FRMD4A: variants seen among roughly 807,000 people sequenced by gnomAD.
FRMD4A encodes the protein FERM domain-containing protein 4A.
FRMD4A carries 29 observed loss-of-function variants against 129.1 expected under a neutral mutation model. The observed-to-expected ratio is 0.22, with a 90% CI of 0.17 to 0.31. The LOEUF is 0.31. FRMD4A is among the 10% of genes least tolerant of loss of function. The probability of loss-of-function intolerance (pLI) is 1.00; values close to 1 mark genes in which losing one functional copy is unlikely to be tolerated. For missense variants in FRMD4A, 1,272 were observed against 1,375.8 expected (o/e 0.92, Z 1.19); for synonymous variants, 634 against 571.6 (o/e 1.11, Z -1.56).
At chr10:13,766,761 A>T (rs12268804) in intron 6 of FRMD4A, among the ~76,000 whole-genome samples, 6,602 of 152,180 alleles carry the variant, frequency 0.043, 487 homozygotes, top group African/African-American at 0.15. Flanking sequence ...TTACTCTGAA[A>T]ATTTCCCATG....
chr10:13,956,334 T>G (rs575984726), intron 2 of FRMD4A, among the ~76,000 whole-genome samples: 1 of 152,250 alleles, frequency 6.6e-6, no homozygotes, highest in African/African-American at 2.4e-5. Flanking sequence ...GTACTTTTAG[T>G]AGAGATGGGG....
intron 2 of FRMD4A, among the ~76,000 whole-genome samples, chr10:13,979,685 T>C (rs2131400858): frequency 7.3e-6 from 1 of 137,930 alleles, no homozygotes; most frequent in Non-Finnish European, 1.6e-5. Context: ...TTCAATGCTC[T>C]ATTCATTTCT....
chr10:13,823,405 G>C (rs931340621), intron 3 of FRMD4A, among the ~76,000 whole-genome samples: 1 of 152,176 alleles, frequency 6.6e-6, no homozygotes, highest in Non-Finnish European at 1.5e-5. Flanking sequence ...AATGATAACT[G>C]TTTCGGTAAG....
chr10:14,294,401 AC>A (rs1464778883), intron 2 of FRMD4A, among the ~76,000 whole-genome samples: 1 of 152,234 alleles, frequency 6.6e-6, no homozygotes, highest in Admixed American at 6.5e-5. Context: ...CTCCACGTTC[AC>A]AAGGCTTGAC....
intron 2 of FRMD4A, among the ~76,000 whole-genome samples, chr10:13,930,374 C>G (rs567976669): frequency 6.6e-6 from 1 of 152,188 alleles, no homozygotes; most frequent in Admixed American, 6.5e-5. Flanking sequence ...CTGGCTTCTC[C>G]GTTAAGCGTC....
intron 5 of FRMD4A, among the ~76,000 whole-genome samples, chr10:13,794,843 C>T (rs78899600): frequency 0.014 from 2,158 of 152,254 alleles, 19 homozygotes; most frequent in Non-Finnish European, 0.024. Context: ...CATCCCATTC[C>T]CCAATTCTCT....
intron 3 of FRMD4A, among the ~76,000 whole-genome samples, chr10:13,827,090 T>C (rs10508467): frequency 0.65 from 98,131 of 152,092 alleles, 31,820 homozygotes; most frequent in Middle Eastern, 0.78. Flanking sequence ...ACAAAGTCCA[T>C]TGAAGACGGT....
intron 3 of FRMD4A, among the ~76,000 whole-genome samples, chr10:13,844,569 A>G (rs1463215604): frequency 1.3e-5 from 2 of 152,208 alleles, no homozygotes; most frequent in Admixed American, 1.3e-4. Context: ...AGATCTATCG[A>G]CAATTTAAAA....
At position 14,125,308 on chromosome 10, in the gene FRMD4A, A is replaced by G. The variant is rs559629554; in HGVS notation, c.45+204750T>C. ...TCCACTGCCTTTGAAATATTATTTT[A>G]GATCTGCCAAAATAATTGCAAACCC... On this transcript the variant is annotated intron_variant, in intron 2 of 24. Transcript: ENST00000357447. Among the ~76,000 whole-genome samples the G allele has an allele frequency of 2.0e-5, 3 of 152,296 alleles. 1 individual carries two copies. In the South Asian group the frequency reaches 6.2e-4, roughly 32 times the overall value.
At chr10:13,884,134 T>TCA (rs1221469854) in intron 2 of FRMD4A, among the ~76,000 whole-genome samples, 827 of 35,674 alleles carry the variant, frequency 0.023, 60 homozygotes, top group East Asian at 0.18. Flanking sequence ...ACACACACGC[T>TCA]CACACACACT....
chr10:13,657,624 C>T, intron 21 of FRMD4A, 102 bp from the exon 22 acceptor site: 2 of 1,422,586 alleles, frequency 1.4e-6, no homozygotes, highest in East Asian at 2.5e-5. Flanking sequence ...GGTGTCTGCA[C>T]GCGGGCGCAG....
chr10:14,271,643 T>A (rs540521677), intron 2 of FRMD4A, among the ~76,000 whole-genome samples: 1 of 152,368 alleles, frequency 6.6e-6, no homozygotes, highest in Non-Finnish European at 1.5e-5. Context: ...CTAGCTGTGT[T>A]CTATTATTGC....
At chr10:14,229,227 T>C (rs1391387335) in intron 2 of FRMD4A, among the ~76,000 whole-genome samples, 1 of 152,136 alleles carries the variant, frequency 6.6e-6, no homozygotes, top group Non-Finnish European at 1.5e-5. Flanking sequence ...TTTAAAAACC[T>C]ACTTAAGAAA....
chr10:14,052,543 A>C (rs1179801811), intron 2 of FRMD4A, among the ~76,000 whole-genome samples: 1 of 151,972 alleles, frequency 6.6e-6, no homozygotes, highest in Non-Finnish European at 1.5e-5. Context: ...GAGAGTGGGG[A>C]GGAGGTGCCA....
chr10:14,193,352 C>T (rs1006945280), intron 2 of FRMD4A, among the ~76,000 whole-genome samples: 4 of 152,132 alleles, frequency 2.6e-5, no homozygotes, highest in Non-Finnish European at 5.9e-5. Context: ...TTAACACTTT[C>T]GGGTCCAGAG....
At chr10:14,095,747 T>C (rs2131763068) in intron 2 of FRMD4A, among the ~76,000 whole-genome samples, 1 of 152,308 alleles carries the variant, frequency 6.6e-6, no homozygotes, top group South Asian at 2.1e-4. Context: ...ATGTGGCATA[T>C]AAATAAGCAT....
chr10:14,207,030 A>G (rs1239555586), intron 2 of FRMD4A, among the ~76,000 whole-genome samples: 2 of 152,030 alleles, frequency 1.3e-5, no homozygotes, highest in African/African-American at 2.4e-5. Context: ...CTTCTGCCCA[A>G]GGATGGTCAT....
At chr10:13,954,975 T>G (rs1366565367) in intron 2 of FRMD4A, among the ~76,000 whole-genome samples, 2 of 152,204 alleles carry the variant, frequency 1.3e-5, no homozygotes, top group Non-Finnish European at 2.9e-5. Flanking sequence ...ACTTCAATTC[T>G]TTTAGCCATG....
intron 14 of FRMD4A, among the ~76,000 whole-genome samples, chr10:13,700,139 G>A (rs965342988): frequency 4.0e-5 from 6 of 151,292 alleles, no homozygotes; most frequent in Non-Finnish European, 8.8e-5. Context: ...TAGAGATGGG[G>A]GTCTCACTAT....
Sources: gnomAD v4.1 joint callset for allele counts (sites outside exome capture counted in the v4.1 genomes callset) on GRCh38, gnomAD v4.1.1 for gene constraint, MANE v1.5 for transcripts, NCBI Gene and HGNC (gene_info 2026-07-23, HGNC 2026-07-21) for gene names.